MYL1: variants seen among roughly 807,000 people sequenced by gnomAD.
The protein encoded by MYL1 is myosin light chain 1, also known as myosin light chain 1/3, skeletal muscle isoform.
Under a neutral mutation model 21.8 loss-of-function variants are expected in MYL1, and 16 were observed. The ratio of observed to expected loss-of-function variants is 0.74; its 90% CI spans 0.50 to 1.12. The LOEUF (loss-of-function observed/expected upper bound fraction) is 1.12, where lower values mean the gene tolerates loss of function less well. Ranked by LOEUF, MYL1 falls within the 50% of genes most tolerant of loss-of-function variation. The probability of loss-of-function intolerance (pLI) is 0.00; values close to 1 mark genes in which losing one functional copy is unlikely to be tolerated. For synonymous variants in MYL1, 99 were observed against 85.2 expected (o/e 1.16, Z -0.89); for missense variants, 246 against 241.0 (o/e 1.02, Z -0.14).
chr2:210,300,502 T>C (rs1333929347), intron 2 of MYL1, among the ~76,000 whole-genome samples: 2 of 152,110 alleles, frequency 1.3e-5, no homozygotes, highest in Admixed American at 6.5e-5. Flanking sequence ...ACAGAGTCTA[T>C]ACTGGCAGCA....
chr2:210,306,398 G>A (rs999845971), intron 1 of MYL1, among the ~76,000 whole-genome samples: 2 of 146,350 alleles, frequency 1.4e-5, no homozygotes, highest in African/African-American at 5.1e-5. Context: ...AAAAAAAAAA[G>A]TTGAATTTAT....
At chr2:210,296,122 A>T (rs1298114276) in intron 3 of MYL1, among the ~76,000 whole-genome samples, 1 of 152,172 alleles carries the variant, frequency 6.6e-6, no homozygotes, top group East Asian at 1.9e-4. Context: ...TCTACTTGAA[A>T]AACTTCAGTT....
chr2:210,290,970 C>A (rs1158734360), intron 6 of MYL1, 62 bp downstream of exon 6: 1 of 1,126,428 alleles, frequency 8.9e-7, no homozygotes, highest in Non-Finnish European at 1.3e-6. Flanking sequence ...CTGAAGCTGT[C>A]AAGTTTTAAA....
chr2:210,296,863 A>C (rs1336711414), intron 3 of MYL1, among the ~76,000 whole-genome samples: 1 of 152,060 alleles, frequency 6.6e-6, no homozygotes, highest in Admixed American at 6.6e-5. Context: ...TAGATTCTAC[A>C]TATGAGTGAG....
chr2:210,296,642 A>G (rs1351899882), intron 3 of MYL1, among the ~76,000 whole-genome samples: 1 of 152,116 alleles, frequency 6.6e-6, no homozygotes, highest in Admixed American at 6.5e-5. Flanking sequence ...AAAACAAAAC[A>G]AAAAGTAGCT....
At chr2:210,306,507 C>G (rs1397448184) in intron 1 of MYL1, among the ~76,000 whole-genome samples, 1 of 152,132 alleles carries the variant, frequency 6.6e-6, no homozygotes, top group Non-Finnish European at 1.5e-5. Flanking sequence ...CTGTTTCACC[C>G]TAGTCTTTCT....
intron 1 of MYL1, among the ~76,000 whole-genome samples, chr2:210,308,677 G>A (rs551510530): frequency 4.6e-5 from 7 of 151,798 alleles, no homozygotes; most frequent in African/African-American, 1.7e-4. Flanking sequence ...CAGGAACTAA[G>A]AGAGGTCTAA....
intron 1 of MYL1, chr2:210,302,723 C>T (rs761515231): frequency 6.4e-7 from 1 of 1,556,204 alleles, no homozygotes; most frequent in Admixed American, 1.9e-5. Flanking sequence ...AGAAACTAGG[C>T]AGTGCTGTGC....
chr2:210,310,957 T>C (rs1334362759), intron 1 of MYL1, among the ~76,000 whole-genome samples: 1 of 152,084 alleles, frequency 6.6e-6, no homozygotes, highest in Non-Finnish European at 1.5e-5. Context: ...CCTAGGTCCA[T>C]CACTTAACTA....
chr2:210,304,419 T>C (rs1418699991), intron 1 of MYL1, among the ~76,000 whole-genome samples: 3 of 152,178 alleles, frequency 2.0e-5, no homozygotes, highest in African/African-American at 7.2e-5. Context: ...ACACATAAGT[T>C]CTTACTAGAT....
intron 1 of MYL1, among the ~76,000 whole-genome samples, chr2:210,306,387 A>G (rs1690342645): frequency 6.6e-6 from 1 of 152,088 alleles, no homozygotes; most frequent in African/African-American, 2.4e-5. Flanking sequence ...TCTCAAAAAA[A>G]AAAAAAAAAA....
chr2:210,302,815 GA>G, intron 1 of MYL1: 5 of 1,551,664 alleles, frequency 3.2e-6, no homozygotes, highest in Non-Finnish European at 4.4e-6. Context: ...AGAAGAGAAA[GA>G]AAGAAAAAAA....
chr2:210,311,433 G>A (rs188593249), intron 1 of MYL1, among the ~76,000 whole-genome samples: 185 of 152,040 alleles, frequency 1.2e-3, no homozygotes, highest in African/African-American at 3.8e-3. Context: ...TGCAAAATTC[G>A]TTATTTGATA....
intron 2 of MYL1, 50 bp downstream of exon 2, chr2:210,302,438 T>G (rs1250532964): frequency 6.4e-7 from 1 of 1,557,044 alleles, no homozygotes; most frequent in East Asian, 2.3e-5. Flanking sequence ...TTTTCACACA[T>G]GCCATCTTTA....
At chr2:210,294,503 G>T in intron 3 of MYL1, 85 bp from the exon 4 acceptor site, 1 of 1,325,000 alleles carries the variant, frequency 7.5e-7, no homozygotes, top group Admixed American at 2.2e-5. Context: ...GTTATTCTAG[G>T]TTATCTGAAA....
intron 1 of MYL1, among the ~76,000 whole-genome samples, chr2:210,313,905 G>C (rs1288999742): frequency 3.3e-5 from 5 of 151,994 alleles, no homozygotes; most frequent in African/African-American, 9.7e-5. Flanking sequence ...ACAACTTTTG[G>C]CTTAAGTGAA....
In MYL1 at chr2:210,314,913, T is replaced by G. The variant is rs770817233; in HGVS notation, c.130A>C (p.Lys44Gln). The part of the protein sequence containing the change: ...KEEKIDLSAI[K>Q]IEFSKEQQDE... ...AAACAGTTCATCCATTTAGTTACCTTAATGGCAGAGAGGTCAATTTTTTCT... is the reference window on the plus strand; with the variant it reads ...AAACAGTTCATCCATTTAGTTACCTGAATGGCAGAGAGGTCAATTTTTTCT... Residue 44 changes from lysine (K) to glutamine (Q), a missense_variant and splice_region_variant, in exon 1 of 7, where the codon AAG becomes CAG. By Grantham distance (53) the Lys-to-Gln change is moderately conservative. Coordinates refer to ENST00000352451, the MANE Select transcript of MYL1 (RefSeq NM_079420.3). 11 of 1,613,870 alleles carry G rather than the reference T, an allele frequency of 6.8e-6. No homozygotes were observed. Among genetic ancestry groups the G allele is most frequent in the Non-Finnish European group, 9.3e-6 (11 of 1,179,810 alleles).
chr2:210,295,208 A>G (rs1690154568), intron 3 of MYL1, among the ~76,000 whole-genome samples: 1 of 152,226 alleles, frequency 6.6e-6, no homozygotes. Context: ...TATTTCTATT[A>G]CACGCAATTT....
At chr2:210,298,965 A>C (rs1356738030) in intron 2 of MYL1, among the ~76,000 whole-genome samples, 2 of 152,182 alleles carry the variant, frequency 1.3e-5, no homozygotes, top group African/African-American at 4.8e-5. Flanking sequence ...AATCAGGCTC[A>C]TGGTATGTGA....
Sources: allele counts gnomAD v4.1 joint callset (sites outside exome capture counted in the v4.1 genomes callset), GRCh38; gene constraint gnomAD v4.1.1; transcripts MANE v1.5; gene names NCBI Gene and HGNC (gene_info 2026-07-23, HGNC 2026-07-21).